The following MCTP1 variants were observed in gnomAD, a reference collection of about 807,000 sequenced individuals.
The protein encoded by MCTP1 is multiple C2 and transmembrane domain containing 1, also known as multiple C2 and transmembrane domain-containing protein 1.
In MCTP1, 69 loss-of-function variants were observed where a neutral mutation model predicts 120.6. The observed-to-expected ratio is 0.57, with a 90% confidence interval of 0.47 to 0.70. The LOEUF (loss-of-function observed/expected upper bound fraction) is 0.70, where lower values mean the gene tolerates loss of function less well. Among genes scored for constraint, MCTP1 ranks in the 30% least tolerant of loss-of-function variants. The probability of loss-of-function intolerance (pLI) is 0.00; values close to 1 mark genes in which losing one functional copy is unlikely to be tolerated. For synonymous variants in MCTP1, 529 were observed against 493.1 expected (o/e 1.07, Z -0.96); for missense variants, 1,203 against 1,248.8 (o/e 0.96, Z 0.55).
At chr5:94,768,625 A>G (rs964902602) in intron 19 of MCTP1, among the ~76,000 whole-genome samples, 1 of 152,214 alleles carries the variant, frequency 6.6e-6, no homozygotes, top group Non-Finnish European at 1.5e-5. Flanking sequence ...GCTAACAGAC[A>G]TATGAAAAAA....
chr5:95,284,466 C>T lies in MCTP1; in HGVS notation c.110G>A (p.Gly37Asp), dbSNP rs1458250901. The change falls in exon 1 of 23, where the codon GGC becomes GAC. Residue 37 changes from glycine to aspartate, a missense_variant. By Grantham distance (94) the Gly-to-Asp change is moderately conservative (BLOSUM62 -1). Transcript: ENST00000515393. The surrounding 1 kb of genome is among the most constrained non-coding windows in gnomAD (Gnocchi z 5.2). ...NLQLGVGRSK[G>D]GGGGRAGGPE... ...ACCCCCAGCGCGCCCGCCCCCGCCGCCCTTGCTCCTGCCCACCCCCAGCTG... is the reference window on the plus strand; with the variant it reads ...ACCCCCAGCGCGCCCGCCCCCGCCGTCCTTGCTCCTGCCCACCCCCAGCTG... 38 of 1,515,494 alleles carry T rather than the reference C, an allele frequency of 2.5e-5. No homozygotes were observed. The highest frequency in any genetic ancestry group is 2.9e-5 in the Non-Finnish European group (33 of 1,139,136). The allele number at this position is 1,515,494 out of a possible 1,614,324, so 93.9% of individuals were successfully genotyped here. A position where few individuals can be genotyped will look rare whatever the true frequency, so the allele number is the denominator to read the frequency against.
intron 10 of MCTP1, among the ~76,000 whole-genome samples, chr5:94,898,473 A>G (rs1431614066): frequency 6.6e-6 from 1 of 152,314 alleles, no homozygotes; most frequent in Non-Finnish European, 1.5e-5. Context: ...TTTTGAACAA[A>G]TATGTTCAAG....
At chr5:94,964,158 C>T (rs886529922) in intron 2 of MCTP1, among the ~76,000 whole-genome samples, 2 of 152,128 alleles carry the variant, frequency 1.3e-5, no homozygotes, top group Non-Finnish European at 2.9e-5. Context: ...TGCTTTTATG[C>T]TAGCATCATA....
At chr5:94,877,393 G>T (rs1480749493) in intron 12 of MCTP1, among the ~76,000 whole-genome samples, 1 of 151,684 alleles carries the variant, frequency 6.6e-6, no homozygotes, top group East Asian at 1.9e-4. Flanking sequence ...TTTTCCTATG[G>T]ATCTTTGTTT....
At chr5:95,079,547 A>C (rs970847783) in intron 1 of MCTP1, among the ~76,000 whole-genome samples, 1 of 152,128 alleles carries the variant, frequency 6.6e-6, no homozygotes, top group Admixed American at 6.5e-5. Context: ...TTCATCTCTT[A>C]ATGGTCATAT....
rs553875881 is a variant in MCTP1 at position 95,226,818 on chromosome 5, CA to C, written c.720+57037del. On this transcript the variant is annotated intron_variant, in intron 1 of 22. Coordinates refer to ENST00000515393, the MANE Select transcript of MCTP1 (RefSeq NM_024717.7). ...TGTTGATATCAAGATAGAGGTGAAG[CA>C]AAAAAAAAAATTTATTTGAGGTTAC... 7.8e-3 allele frequency among the ~76,000 whole-genome samples: 1,134 copies of C among 144,894 alleles called. 12 individuals carry two copies. Among genetic ancestry groups the C allele is most frequent in the South Asian group, 0.032 (146 of 4,610 alleles).
intron 2 of MCTP1, among the ~76,000 whole-genome samples, chr5:94,975,253 C>T (rs949866388): frequency 1.9e-4 from 29 of 152,036 alleles, no homozygotes; most frequent in African/African-American, 3.6e-4. Flanking sequence ...CTGCCAAATT[C>T]GTAGGCTGAA....
rs70978130 is a variant in MCTP1 at position 94,774,207 on chromosome 5, CAAAAAAAAAAAAAAAAAAAAA to C, written c.2610+4882_2610+4902del. Among the ~76,000 whole-genome samples, 6 of 4,182 alleles carry C rather than the reference CAAAAAAAAAAAAAAAAAAAAA, an allele frequency of 1.4e-3. 1 individual carries two copies. Among genetic ancestry groups the C allele is most frequent in the East Asian group, 0.05 (2 of 40 alleles). The allele number at this position is 4,182 out of a possible 152,430, so 2.7% of individuals were successfully genotyped here. On this transcript the variant is annotated intron_variant, in intron 19 of 22. Coordinates refer to ENST00000515393, the MANE Select transcript of MCTP1 (RefSeq NM_024717.7). ...TGGGCGACAGAGCAAGACTCCGTCT[CAAAAAAAAAAAAAAAAAAAAA>C]AAAAAAAAAAAAAAAAAAAAAGAAA...
At chr5:94,863,636 A>G (rs1796234743) in intron 17 of MCTP1, among the ~76,000 whole-genome samples, 2 of 151,854 alleles carry the variant, frequency 1.3e-5, no homozygotes, top group Admixed American at 1.3e-4. Context: ...CACGAAAGAC[A>G]CTTTAGATGT....
intron 17 of MCTP1, among the ~76,000 whole-genome samples, chr5:94,814,368 T>A (rs990927015): frequency 6.6e-6 from 1 of 152,180 alleles, no homozygotes; most frequent in African/African-American, 2.4e-5. Context: ...TTCCAAAATA[T>A]TTTAAAATGC....
At chr5:94,934,066 T>C (rs904722225) in intron 5 of MCTP1, among the ~76,000 whole-genome samples, 1 of 151,902 alleles carries the variant, frequency 6.6e-6, no homozygotes, top group South Asian at 2.1e-4. Flanking sequence ...TTTTATAACA[T>C]TTCTGCCTCT....
chr5:94,743,921 G>A (rs1293085669), intron 19 of MCTP1, among the ~76,000 whole-genome samples: 1 of 152,014 alleles, frequency 6.6e-6, no homozygotes, highest in East Asian at 1.9e-4. Flanking sequence ...TTACAGGTGT[G>A]AGCCACTGTG....
chr5:95,006,109 C>T (rs923219341), intron 2 of MCTP1, among the ~76,000 whole-genome samples: 33 of 152,128 alleles, frequency 2.2e-4, no homozygotes, highest in African/African-American at 7.7e-4. Flanking sequence ...GTGCAAACTC[C>T]ACACAGACAG....
chr5:94,707,690 G>T, intron 22 of MCTP1, 123 bp from the exon 23 acceptor site: 3 of 701,176 alleles, frequency 4.3e-6, no homozygotes, highest in Non-Finnish European at 7.6e-6. Flanking sequence ...AGCTGTATGG[G>T]ATCTGCAGCT....
At chr5:94,864,857 G>A (rs1796501175) in intron 17 of MCTP1, among the ~76,000 whole-genome samples, 1 of 151,812 alleles carries the variant, frequency 6.6e-6, no homozygotes, top group African/African-American at 2.4e-5. Flanking sequence ...AAGAGAAAAT[G>A]TGCACTCTTT....
At chr5:95,233,641 C>T (rs548285094) in intron 1 of MCTP1, among the ~76,000 whole-genome samples, 1 of 152,168 alleles carries the variant, frequency 6.6e-6, no homozygotes, top group Admixed American at 6.6e-5. Context: ...AAATGACATA[C>T]TTCTAAATAA....
chr5:95,086,254 C>A (rs751570298), intron 1 of MCTP1, among the ~76,000 whole-genome samples: 1 of 151,918 alleles, frequency 6.6e-6, no homozygotes, highest in Non-Finnish European at 1.5e-5. Flanking sequence ...GGCTATGTAC[C>A]CCCGTACAGT....
intron 18 of MCTP1, chr5:94,792,364 C>T (rs543801511): frequency 6.6e-6 from 1 of 152,458 alleles, no homozygotes; most frequent in Admixed American, 6.5e-5. Flanking sequence ...GCAGAAGCAT[C>T]ACTCCTTTTT....
Position 94,888,866 on chromosome 5 carries a change from C to T in MCTP1, c.1933+13G>A, listed in dbSNP as rs768010537. On this transcript the variant is annotated intron_variant, in intron 12 of 22. Transcript: ENST00000515393. ...CTTGATCTGAGCAATAGGAGAATTG[C>T]ATCATCTCTTACCAGTGACGTCGGC... 3 of 1,564,662 alleles carry T rather than the reference C, an allele frequency of 1.9e-6. No individual in the cohort carries two copies. In the East Asian group the frequency reaches 6.7e-5, roughly 35 times the overall value.
Sources: allele counts gnomAD v4.1 joint callset (sites outside exome capture counted in the v4.1 genomes callset), GRCh38; gene constraint gnomAD v4.1.1; non-coding constraint Gnocchi (gnomAD v3.1); transcripts MANE v1.5; gene names NCBI Gene and HGNC (gene_info 2026-07-23, HGNC 2026-07-21).